SHISAL1: variants seen among roughly 807,000 people sequenced by gnomAD.
SHISAL1 encodes shisa like 1.
A neutral mutation model predicts 22.6 loss-of-function variants in SHISAL1; 9 were observed. The observed-to-expected ratio is 0.40, with a 90% CI of 0.24 to 0.70. The LOEUF (loss-of-function observed/expected upper bound fraction) is 0.70. SHISAL1 is among the 30% of genes least tolerant of loss of function. The pLI is 0.39. For synonymous variants in SHISAL1, 119 were observed against 115.4 expected (o/e 1.03, Z -0.20); for missense variants, 246 against 270.6 (o/e 0.91, Z 0.64).
intron 1 of SHISAL1, among the ~76,000 whole-genome samples, chr22:44,308,569 G>A (rs532599057): frequency 1.7e-4 from 26 of 152,244 alleles, no homozygotes; most frequent in Non-Finnish European, 3.1e-4. Context: ...TTCTTCCCCC[G>A]TGATTCTCTC....
intron 4 of SHISAL1, among the ~76,000 whole-genome samples, chr22:44,270,663 G>C (rs1422765892): frequency 1.3e-5 from 2 of 152,238 alleles, no homozygotes; most frequent in Middle Eastern, 3.4e-3. Context: ...ACAGGGATCT[G>C]CCAGCCTAGG....
intron 1 of SHISAL1, among the ~76,000 whole-genome samples, chr22:44,312,027 G>T (rs2055522420): frequency 6.6e-6 from 1 of 151,622 alleles, no homozygotes; most frequent in African/African-American, 2.4e-5. Flanking sequence ...TCGCCTCGGG[G>T]TGGGGGTGGC....
chr22:44,267,674 C>T (rs1283820363), intron 4 of SHISAL1, among the ~76,000 whole-genome samples: 1 of 152,242 alleles, frequency 6.6e-6, no homozygotes, highest in Non-Finnish European at 1.5e-5. Flanking sequence ...CACCTGTCCC[C>T]TCCTGCGCTT....
At chr22:44,329,952 C>A in the SHISAL1 span, among the ~76,000 whole-genome samples, 2 of 152,156 alleles carry the variant, frequency 1.3e-5, no homozygotes, top group Non-Finnish European at 2.9e-5. Flanking sequence ...CAGAACCAGG[C>A]GAGGAAACAA....
At chr22:44,330,089 A>G in the SHISAL1 span, among the ~76,000 whole-genome samples, 1 of 152,230 alleles carries the variant, frequency 6.6e-6, no homozygotes, top group African/African-American at 2.4e-5. Flanking sequence ...ACTTTAGACA[A>G]TGCCCAGAGC....
intron 1 of SHISAL1, among the ~76,000 whole-genome samples, chr22:44,306,642 T>C (rs191543737): frequency 0.014 from 1,609 of 115,374 alleles, 54 homozygotes; most frequent in Non-Finnish European, 0.021. Context: ...ATGGCGTGTG[T>C]GGAGGGGACC....
At chr22:44,256,714 G>T (rs2055087260) in intron 4 of SHISAL1, among the ~76,000 whole-genome samples, 1 of 152,050 alleles carries the variant, frequency 6.6e-6, no homozygotes, top group African/African-American at 2.4e-5. Context: ...TTTGGCCCAT[G>T]ACTGTATCCC....
chr22:44,289,183 T>C (rs562045847), intron 3 of SHISAL1, among the ~76,000 whole-genome samples: 20 of 152,326 alleles, frequency 1.3e-4, no homozygotes, highest in African/African-American at 4.8e-4. Flanking sequence ...AGTGTTCCCA[T>C]GTCACACATG....
At chr22:44,257,036 C>CA (rs1160826192) in intron 4 of SHISAL1, among the ~76,000 whole-genome samples, 15 of 152,214 alleles carry the variant, frequency 9.9e-5, no homozygotes, top group African/African-American at 3.6e-4. Context: ...TGCATTCCTT[C>CA]ACTTGCCACC....
chr22:44,249,484 A>AC lies in SHISAL1; in HGVS notation c.*200dup. 2 of 452,214 alleles carry AC rather than the reference A, an allele frequency of 4.4e-6. No homozygotes were observed. Among genetic ancestry groups the AC allele is most frequent in the Non-Finnish European group, 8.3e-6 (2 of 241,580 alleles). 28.0% of individuals were successfully genotyped at this position (452,214 alleles called of 1,614,324 possible). ...GGTGGCTCAGAATCCCCTCCCCTGC[A>AC]CCCCCAGCCCCTACCCCTGAGTTTG... On this transcript the variant is annotated 3_prime_UTR_variant, in exon 5 of 5. Transcript: ENST00000381176.
At chr22:44,269,779 C>A (rs135418) in intron 4 of SHISAL1, among the ~76,000 whole-genome samples, 4 of 151,760 alleles carry the variant, frequency 2.6e-5, no homozygotes, top group Non-Finnish European at 5.9e-5. Flanking sequence ...CTGCTCACTT[C>A]TTACCTGTCC....
chr22:44,285,038 G>C (rs1422894271), intron 4 of SHISAL1, among the ~76,000 whole-genome samples: 2 of 152,144 alleles, frequency 1.3e-5, no homozygotes, highest in Admixed American at 6.5e-5. Flanking sequence ...ACCTCATGCT[G>C]AAAAATCTGG....
chr22:44,258,175 G>A (rs2147270716), intron 4 of SHISAL1, among the ~76,000 whole-genome samples: 1 of 151,904 alleles, frequency 6.6e-6, no homozygotes, highest in African/African-American at 2.4e-5. Flanking sequence ...GTGTGGTGAT[G>A]GGCACCTGTA....
chr22:44,318,732 C>T, the SHISAL1 span, among the ~76,000 whole-genome samples: 17 of 152,252 alleles, frequency 1.1e-4, no homozygotes, highest in South Asian at 1.0e-3. Flanking sequence ...CGGAGGCTCG[C>T]GGCCTGCTCA....
chr22:44,300,854 C>A, intron 2 of SHISAL1, 25 bp downstream of exon 2: 9 of 1,608,666 alleles, frequency 5.6e-6, no homozygotes, highest in South Asian at 4.4e-5. Flanking sequence ...GCCGCCCCCG[C>A]CCCCAGCATC....
the SHISAL1 span, among the ~76,000 whole-genome samples, chr22:44,331,450 T>C: frequency 7.0e-6 from 1 of 142,072 alleles, no homozygotes; most frequent in Admixed American, 6.8e-5. The surrounding 1 kb of genome is among the most constrained non-coding windows in gnomAD (Gnocchi z 5.2). Context: ...GGCGCGCCCC[T>C]CCCCCGCGCG....
intron 4 of SHISAL1, among the ~76,000 whole-genome samples, chr22:44,274,993 C>T (rs1376155456): frequency 6.6e-6 from 1 of 152,198 alleles, no homozygotes; most frequent in African/African-American, 2.4e-5. Flanking sequence ...CCTGCAGTTG[C>T]CCACTGGCCC....
intron 4 of SHISAL1, among the ~76,000 whole-genome samples, chr22:44,262,841 A>C (rs1389949107): frequency 1.3e-5 from 2 of 152,214 alleles, no homozygotes; most frequent in Non-Finnish European, 2.9e-5. Context: ...TGGGAAGATA[A>C]CAGAGCACCT....
Position 44,249,671 on chromosome 22 carries a change from C to G in SHISAL1, c.*14G>C. ...ATCTCATCTCCCCCATCCTGAGGCACAGCAAAAGCGTTTTCTGGAGGAAAT... is the reference window on the plus strand; with the variant it reads ...ATCTCATCTCCCCCATCCTGAGGCAGAGCAAAAGCGTTTTCTGGAGGAAAT... On this transcript the variant is annotated 3_prime_UTR_variant, in exon 5 of 5. Coordinates refer to ENST00000381176, the MANE Select transcript of SHISAL1 (RefSeq NM_001099294.2). 1.3e-6 allele frequency: 1 copy of G among 779,776 alleles called. No homozygotes were observed. The highest frequency in any genetic ancestry group is 2.4e-6 in the Non-Finnish European group (1 of 418,070). 48.3% of individuals were successfully genotyped at this position (779,776 alleles called of 1,614,324 possible). A position where few individuals can be genotyped will look rare whatever the true frequency, so the allele number is the denominator to read the frequency against.
Sources: allele counts gnomAD v4.1 joint callset (sites outside exome capture counted in the v4.1 genomes callset), GRCh38; gene constraint gnomAD v4.1.1; non-coding constraint Gnocchi (gnomAD v3.1); transcripts MANE v1.5; gene names NCBI Gene and HGNC (gene_info 2026-07-23, HGNC 2026-07-21).